Variants in SHISA9 observed in about 807,000 individuals in gnomAD.
SHISA9 encodes protein shisa-9.
SHISA9 carries 13 observed loss-of-function variants against 38.0 expected under a neutral mutation model. That is an observed-to-expected ratio of 0.34 (90% confidence interval 0.22 to 0.54). The LOEUF (loss-of-function observed/expected upper bound fraction) is 0.54. Ranked by LOEUF, SHISA9 falls within the 20% of genes least tolerant of loss-of-function variation. SHISA9 has a pLI of 0.91. For missense variants in SHISA9, 538 were observed against 575.8 expected, an observed-to-expected ratio of 0.93 and a Z score of 0.67; for synonymous variants, 275 against 242.0, an observed-to-expected ratio of 1.14 and a Z score of -1.27.
chr16:13,551,689 C>T, the SHISA9 span, among the ~76,000 whole-genome samples: 1 of 152,118 alleles, frequency 6.6e-6, no homozygotes, highest in African/African-American at 2.4e-5. Context: ...AACATAGACA[C>T]AAAGGGGCTT....
At chr16:13,129,967 G>C (rs183635845) in intron 2 of SHISA9, among the ~76,000 whole-genome samples, 1 of 152,188 alleles carries the variant, frequency 6.6e-6, no homozygotes, top group African/African-American at 2.4e-5. Flanking sequence ...CTAGTTTTTT[G>C]TACCTTTGAA....
chr16:13,017,025 CT>C (rs34082945), intron 2 of SHISA9, among the ~76,000 whole-genome samples: 13,248 of 144,576 alleles, frequency 0.092, 720 homozygotes, highest in East Asian at 0.29. Flanking sequence ...TTTTTTCTTT[CT>C]TTTTTTTTTT....
At chr16:13,495,601 A>G in the SHISA9 span, among the ~76,000 whole-genome samples, 1 of 152,072 alleles carries the variant, frequency 6.6e-6, no homozygotes, top group African/African-American at 2.4e-5. Context: ...CTGCAGTAAT[A>G]TATGTTACTT....
At chr16:13,219,767 G>A (rs191187464) in intron 4 of SHISA9, among the ~76,000 whole-genome samples, 32 of 152,244 alleles carry the variant, frequency 2.1e-4, no homozygotes, top group African/African-American at 7.7e-4. Context: ...GACCAACCTG[G>A]CCAACAGAGA....
At chr16:13,341,747 C>G in the SHISA9 span, among the ~76,000 whole-genome samples, 14 of 152,278 alleles carry the variant, frequency 9.2e-5, no homozygotes, top group Non-Finnish European at 1.6e-4. Context: ...GTAACCTATT[C>G]AAAGGCAAAA....
chr16:13,044,922 TA>T (rs1349221572), intron 2 of SHISA9, among the ~76,000 whole-genome samples: 1 of 152,222 alleles, frequency 6.6e-6, no homozygotes, highest in Non-Finnish European at 1.5e-5. Context: ...TTATATTTGC[TA>T]TTTGAAAAGT....
At chr16:13,327,670 T>G in the SHISA9 span, among the ~76,000 whole-genome samples, 2,979 of 152,094 alleles carry the variant, frequency 0.02, 81 homozygotes, top group African/African-American at 0.068. Context: ...TTGCACTTTT[T>G]TTTTGAGACA....
intron 1 of SHISA9, 65 bp from the exon 2 acceptor site, chr16:12,916,623 C>G (rs1047249415): frequency 7.3e-6 from 11 of 1,511,066 alleles, no homozygotes; most frequent in Non-Finnish European, 9.8e-6. Context: ...CTGCAGTACT[C>G]GGCGCATAGC....
the SHISA9 span, among the ~76,000 whole-genome samples, chr16:13,533,904 C>T: frequency 3.3e-5 from 5 of 151,786 alleles, no homozygotes; most frequent in Non-Finnish European, 7.4e-5. Context: ...CTGCCTCAGC[C>T]TCCTGAGTAG....
chr16:12,970,351 G>GTATACATATA (rs1182452972), intron 2 of SHISA9, among the ~76,000 whole-genome samples: 6 of 44,896 alleles, frequency 1.3e-4, no homozygotes, highest in Non-Finnish European at 1.9e-4. Context: ...ATACATATAT[G>GTATACATATA]TGTATATATA....
intron 2 of SHISA9, among the ~76,000 whole-genome samples, chr16:12,937,209 A>G (rs552467985): frequency 1.3e-5 from 2 of 152,326 alleles, no homozygotes; most frequent in Non-Finnish European, 2.9e-5. Flanking sequence ...CAGTCTGTCC[A>G]TGTACATATA....
At chr16:13,176,424 C>T (rs1298035968) in intron 2 of SHISA9, among the ~76,000 whole-genome samples, 1 of 152,212 alleles carries the variant, frequency 6.6e-6, no homozygotes, top group Non-Finnish European at 1.5e-5. Flanking sequence ...CGTCCTGACC[C>T]CAAAGTCTTT....
chr16:13,315,636 G>T, the SHISA9 span, among the ~76,000 whole-genome samples: 2 of 152,170 alleles, frequency 1.3e-5, no homozygotes, highest in Non-Finnish European at 2.9e-5. Flanking sequence ...TCTGTAAAAT[G>T]GGATGTTAAT....
chr16:13,342,349 G>A, the SHISA9 span, among the ~76,000 whole-genome samples: 1 of 152,030 alleles, frequency 6.6e-6, no homozygotes, highest in Non-Finnish European at 1.5e-5. Flanking sequence ...GTGCAGTGGT[G>A]CGATCTTGGT....
Position 13,235,664 on chromosome 16 carries a change from C to G in SHISA9, c.*255C>G. ...AGCAAAGGGGAAAATGAGGCACACTCTTTCCACTTCAGGCCCAAGATGGCC... is the reference window on the plus strand; with the variant it reads ...AGCAAAGGGGAAAATGAGGCACACTGTTTCCACTTCAGGCCCAAGATGGCC... On this transcript the variant is annotated 3_prime_UTR_variant, in exon 5 of 5. Transcript: ENST00000558583. 2.1e-6 allele frequency: 1 copy of G among 470,420 alleles called. No individual in the cohort carries two copies. The highest frequency in any genetic ancestry group is 4.5e-5 in the South Asian group (1 of 22,124). 29.1% of individuals were successfully genotyped at this position (470,420 alleles called of 1,614,324 possible). A position where few individuals can be genotyped will look rare whatever the true frequency, so the allele number is the denominator to read the frequency against.
chr16:13,043,151 G>C (rs1181929568), intron 2 of SHISA9, among the ~76,000 whole-genome samples: 1 of 152,192 alleles, frequency 6.6e-6, no homozygotes, highest in Non-Finnish European at 1.5e-5. Flanking sequence ...TTATCATGTG[G>C]CTTTCAACAT....
At chr16:13,182,812 A>G (rs1051686068) in intron 2 of SHISA9, among the ~76,000 whole-genome samples, 1 of 152,078 alleles carries the variant, frequency 6.6e-6, no homozygotes, top group Admixed American at 6.5e-5. Context: ...TAAAACAACA[A>G]CAACAAAAAA....
At chr16:13,357,521 A>T in the SHISA9 span, among the ~76,000 whole-genome samples, 3 of 152,158 alleles carry the variant, frequency 2.0e-5, no homozygotes, top group Non-Finnish European at 4.4e-5. Context: ...GAGCAGGAGG[A>T]CAGGGGATTG....
At chr16:13,000,821 A>G (rs2072514704) in intron 2 of SHISA9, among the ~76,000 whole-genome samples, 1 of 152,366 alleles carries the variant, frequency 6.6e-6, no homozygotes, top group African/African-American at 2.4e-5. Flanking sequence ...AACAAGCTGT[A>G]TAAGACTGAG....
Sources: allele counts gnomAD v4.1 joint callset (sites outside exome capture counted in the v4.1 genomes callset), GRCh38; gene constraint gnomAD v4.1.1; transcripts MANE v1.5; gene names NCBI Gene and HGNC (gene_info 2026-07-23, HGNC 2026-07-21).